RMST: variants seen among roughly 807,000 people sequenced by gnomAD.
RMST encodes the protein long intergenic non-protein coding RNA 54.
At chr12:97,551,455 T>C (rs944041371) in intron 11 of RMST, among the ~76,000 whole-genome samples, 34 of 152,252 alleles carry the variant, frequency 2.2e-4, no homozygotes, top group Admixed American at 1.9e-3. Flanking sequence ...ATAGAGAATA[T>C]TGATGTGGTA....
intron 10 of RMST, among the ~76,000 whole-genome samples, chr12:97,523,321 C>T (rs998683164): frequency 5.3e-5 from 8 of 152,036 alleles, no homozygotes; most frequent in Admixed American, 3.9e-4. Context: ...GTAAATGTGA[C>T]CATTGTTTTT....
chr12:97,525,310 G>A (rs947753202), intron 10 of RMST, among the ~76,000 whole-genome samples: 3 of 152,120 alleles, frequency 2.0e-5, no homozygotes, highest in African/African-American at 7.2e-5. Context: ...AGGTAGTGAG[G>A]TCATGTTATG....
rs188461756 is a variant in RMST at position 97,564,718 on chromosome 12, C to T, written n.2527C>T. On this transcript the variant is annotated non_coding_transcript_exon_variant, in exon 14 of 14. Coordinates refer to ENST00000640149, the Ensembl canonical transcript of RMST. ...TCCTGTTCCCTTTTCTCTCCCTCCTCTGCCCTCTCCTTCCTTCAGATGTTA... is the reference window on the plus strand; with the variant it reads ...TCCTGTTCCCTTTTCTCTCCCTCCTTTGCCCTCTCCTTCCTTCAGATGTTA... The T allele has an allele frequency of 1.3e-3, 191 of 152,286 alleles. 1 individual carries two copies. The highest frequency in any genetic ancestry group is 4.4e-3 in the African/African-American group (183 of 41,558). The allele number at this position is 152,286 out of a possible 1,614,324, so 9.4% of individuals were successfully genotyped here. A position where few individuals can be genotyped will look rare whatever the true frequency, so the allele number is the denominator to read the frequency against.
intron 11 of RMST, among the ~76,000 whole-genome samples, chr12:97,557,052 C>G (rs1242118032): frequency 6.6e-6 from 1 of 151,970 alleles, no homozygotes; most frequent in Admixed American, 6.6e-5. Flanking sequence ...ATAGAATACA[C>G]CAAGTTATGT....
chr12:97,480,052 G>A (rs1199049323), intron 5 of RMST, among the ~76,000 whole-genome samples: 3 of 151,212 alleles, frequency 2.0e-5, no homozygotes, highest in Non-Finnish European at 3.0e-5. Flanking sequence ...CCAGTACCAG[G>A]AACTGCTAAT....
chr12:97,520,528 TA>T (rs758175228), intron 10 of RMST, among the ~76,000 whole-genome samples: 9 of 152,110 alleles, frequency 5.9e-5, no homozygotes, highest in Non-Finnish European at 1.2e-4. Flanking sequence ...TTATAATTAA[TA>T]ATTATACAAA....
intron 11 of RMST, among the ~76,000 whole-genome samples, chr12:97,547,470 C>A (rs998662926): frequency 6.6e-6 from 1 of 152,042 alleles, no homozygotes; most frequent in Admixed American, 6.6e-5. Context: ...AATCTTCATA[C>A]TGTTTTCCAT....
chr12:97,484,048 G>A (rs1875779250), intron 5 of RMST, among the ~76,000 whole-genome samples: 1 of 152,116 alleles, frequency 6.6e-6, no homozygotes, highest in African/African-American at 2.4e-5. Context: ...TTAAGGAGAT[G>A]GAAACAGCTC....
chr12:97,557,664 A>G (rs1482060797), intron 11 of RMST, among the ~76,000 whole-genome samples: 1 of 152,168 alleles, frequency 6.6e-6, no homozygotes, highest in Non-Finnish European at 1.5e-5. Flanking sequence ...AGTGATTTGA[A>G]TCTGGTAGAA....
rs1448694326 is a variant in RMST, at chr12:97,518,488, A to G, written n.1341-12167A>G. Among the ~76,000 whole-genome samples the G allele has an allele frequency of 3.3e-5, 5 of 152,304 alleles. No homozygotes were observed. The East Asian group carries it at 9.6e-4, about 29-fold the overall frequency. The stretch of plus-strand genomic sequence containing the variant: ...TCTCACTGCCTCATAGAGATTAACA[A>G]TAATATCATAATTTGTGACCTTGTT... On this transcript the variant is annotated intron_variant and non_coding_transcript_variant, in intron 10 of 13. Coordinates refer to ENST00000640149, the Ensembl canonical transcript of RMST.
intron 10 of RMST, among the ~76,000 whole-genome samples, chr12:97,529,287 C>A (rs1269346087): frequency 1.3e-5 from 2 of 151,998 alleles, no homozygotes; most frequent in African/African-American, 4.8e-5. Flanking sequence ...GCACTTTAAG[C>A]TAAACAGAGA....
At chr12:97,545,318 C>G in intron 11 of RMST, among the ~76,000 whole-genome samples, 1 of 151,918 alleles carries the variant, frequency 6.6e-6, no homozygotes, top group East Asian at 1.9e-4. Flanking sequence ...TTCCACAGTC[C>G]GCAGTGGTTG....
chr12:97,518,170 G>A (rs1012146708), intron 10 of RMST, among the ~76,000 whole-genome samples: 2 of 151,912 alleles, frequency 1.3e-5, no homozygotes, highest in Non-Finnish European at 2.9e-5. Context: ...AAATAGAAAT[G>A]TTTTATTGAA....
At chr12:97,470,256 G>A (rs981881159) in intron 5 of RMST, among the ~76,000 whole-genome samples, 1 of 152,082 alleles carries the variant, frequency 6.6e-6, no homozygotes, top group Admixed American at 6.6e-5. Context: ...TACCGTGTCT[G>A]TGTTTGTAGG....
intron 10 of RMST, among the ~76,000 whole-genome samples, chr12:97,507,667 T>C (rs1026833755): frequency 1.3e-5 from 2 of 152,208 alleles, no homozygotes; most frequent in Non-Finnish European, 2.9e-5. Flanking sequence ...GAAATCCTGG[T>C]GGAGATCTCC....
At chr12:97,564,164 G>A (rs1007605192) in exon 14 of RMST, 4 of 269,434 alleles carry the variant, frequency 1.5e-5, no homozygotes, top group East Asian at 9.3e-5. Flanking sequence ...TGCTCTAGGG[G>A]AACTATTAAT....
intron 5 of RMST, among the ~76,000 whole-genome samples, chr12:97,477,923 C>T (rs954965022): frequency 6.6e-5 from 10 of 152,174 alleles, no homozygotes; most frequent in Non-Finnish European, 1.3e-4. Context: ...AAATTGCAAT[C>T]TGTGTGGTAA....
At chr12:97,550,746 T>C (rs769565848) in intron 11 of RMST, among the ~76,000 whole-genome samples, 25 of 152,318 alleles carry the variant, frequency 1.6e-4, no homozygotes, top group Admixed American at 3.9e-4. Flanking sequence ...TAGCATCATA[T>C]TTTGTGGCAT....
At chr12:97,562,945 T>C (rs1210881864) in intron 13 of RMST, among the ~76,000 whole-genome samples, 2 of 152,228 alleles carry the variant, frequency 1.3e-5, no homozygotes, top group African/African-American at 4.8e-5. Context: ...CAGTGCTTAA[T>C]AGTCTGGAAT....
Sources: gnomAD v4.1 joint callset for allele counts (sites outside exome capture counted in the v4.1 genomes callset) on GRCh38, gnomAD v4.1.1 for gene constraint, MANE v1.5 for transcripts, NCBI Gene and HGNC (gene_info 2026-07-23, HGNC 2026-07-21) for gene names.